The following MOSMO variants were observed in gnomAD, a reference collection of about 807,000 sequenced individuals.
MOSMO encodes modulator of smoothened, also known as modulator of smoothened protein.
MOSMO carries 5 observed loss-of-function variants against 18.4 expected under a neutral mutation model. The observed-to-expected ratio is 0.27, with a 90% CI of 0.14 to 0.57. MOSMO has a LOEUF of 0.57. Ranked by LOEUF, MOSMO falls within the 20% of genes least tolerant of loss-of-function variation. The probability of loss-of-function intolerance (pLI) is 0.92; values close to 1 mark genes in which losing one functional copy is unlikely to be tolerated. For missense variants in MOSMO, 138 were observed against 211.8 expected, an observed-to-expected ratio of 0.65 and a Z score of 2.16; for synonymous variants, 82 against 82.3, an observed-to-expected ratio of 1.00 and a Z score of 0.02.
intron 1 of MOSMO, among the ~76,000 whole-genome samples, chr16:22,046,864 C>G (rs1344669112): frequency 1.3e-5 from 2 of 152,124 alleles, no homozygotes; most frequent in African/African-American, 2.4e-5. Flanking sequence ...AAAAGTGCCA[C>G]AACTATTGAT....
chr16:22,090,541 G>T (rs1419865019), downstream of MOSMO, among the ~76,000 whole-genome samples: 1 of 152,176 alleles, frequency 6.6e-6, no homozygotes, highest in African/African-American at 2.4e-5. Flanking sequence ...TCAGGCTACT[G>T]CTTCTCAACA....
At chr16:22,027,265 G>A (rs1012615042) in intron 1 of MOSMO, among the ~76,000 whole-genome samples, 2 of 152,242 alleles carry the variant, frequency 1.3e-5, no homozygotes, top group African/African-American at 2.4e-5. Flanking sequence ...TGGAAAATGC[G>A]CCACTTGTCT....
At chr16:22,033,858 T>TA (rs1307582157) in intron 1 of MOSMO, among the ~76,000 whole-genome samples, 3 of 152,028 alleles carry the variant, frequency 2.0e-5, no homozygotes, top group Non-Finnish European at 4.4e-5. Context: ...TCACAATACT[T>TA]ACATTAGCCT....
At chr16:22,057,237 A>T (rs1900554595) in intron 1 of MOSMO, among the ~76,000 whole-genome samples, 1 of 152,220 alleles carries the variant, frequency 6.6e-6, no homozygotes, top group Non-Finnish European at 1.5e-5. Context: ...GAGGCTGGGA[A>T]GTCCAAGATC....
chr16:22,023,522 T>G (rs1430863391), intron 1 of MOSMO, among the ~76,000 whole-genome samples: 1 of 152,142 alleles, frequency 6.6e-6, no homozygotes, highest in East Asian at 1.9e-4. Context: ...TTTGCCTCTG[T>G]AAGTTGCTGG....
chr16:22,073,100 C>T (rs1397662431), intron 1 of MOSMO, among the ~76,000 whole-genome samples: 1 of 152,088 alleles, frequency 6.6e-6, no homozygotes, highest in African/African-American at 2.4e-5. Context: ...AATCTACAGG[C>T]ACAGGAGGTT....
chr16:22,072,668 C>T (rs533711591), intron 1 of MOSMO, among the ~76,000 whole-genome samples: 12 of 151,990 alleles, frequency 7.9e-5, no homozygotes, highest in Non-Finnish European at 1.8e-4. Flanking sequence ...AAAAATTAGC[C>T]GGGCGTAGTC....
intron 1 of MOSMO, among the ~76,000 whole-genome samples, chr16:22,012,912 ACTT>A (rs1436150027): frequency 3.9e-5 from 6 of 152,090 alleles, no homozygotes; most frequent in Admixed American, 2.6e-4. Flanking sequence ...CATTTCATCT[ACTT>A]CTTGTAATGG....
At chr16:22,045,308 T>C (rs1194039669) in intron 1 of MOSMO, among the ~76,000 whole-genome samples, 3 of 152,164 alleles carry the variant, frequency 2.0e-5, no homozygotes, top group Non-Finnish European at 2.9e-5. Flanking sequence ...AAAGTTTGGG[T>C]ATTTTAGAAA....
At chr16:22,071,225 A>G (rs1900843958) in intron 1 of MOSMO, among the ~76,000 whole-genome samples, 1 of 152,322 alleles carries the variant, frequency 6.6e-6, no homozygotes, top group South Asian at 2.1e-4. Context: ...GCTGACAGGG[A>G]GAGCCCCGTG....
intron 1 of MOSMO, among the ~76,000 whole-genome samples, chr16:22,067,705 C>T (rs1900773594): frequency 6.6e-6 from 1 of 151,954 alleles, no homozygotes; most frequent in South Asian, 2.1e-4. Context: ...AGTAGAGAAA[C>T]ATCTCTACTA....
intron 1 of MOSMO, among the ~76,000 whole-genome samples, chr16:22,075,082 T>C (rs904507219): frequency 1.6e-4 from 24 of 152,210 alleles, no homozygotes; most frequent in African/African-American, 5.8e-4. Flanking sequence ...TGAAGTCATA[T>C]ACAATGAGTC....
At chr16:22,078,360 T>G (rs949029365) in intron 2 of MOSMO, among the ~76,000 whole-genome samples, 1 of 152,228 alleles carries the variant, frequency 6.6e-6, no homozygotes, top group Non-Finnish European at 1.5e-5. Flanking sequence ...CCACCTGCAT[T>G]AAATCTGCTC....
chr16:22,070,876 G>T (rs1014059469), intron 1 of MOSMO, among the ~76,000 whole-genome samples: 2 of 152,122 alleles, frequency 1.3e-5, no homozygotes, highest in African/African-American at 2.4e-5. Context: ...CCAGGGAGGT[G>T]CACAGGGCTG....
intron 1 of MOSMO, among the ~76,000 whole-genome samples, chr16:22,072,929 G>C (rs556465187): frequency 6.6e-6 from 1 of 152,140 alleles, no homozygotes; most frequent in African/African-American, 2.4e-5. Flanking sequence ...ATTGTGATAA[G>C]GAATTTGATA....
rs149022527 is a variant in MOSMO, at chr16:22,022,010, T to G, written c.106+13603T>G. On this transcript the variant is annotated intron_variant, in intron 1 of 2. Coordinates refer to ENST00000542527, the MANE Select transcript of MOSMO (RefSeq NM_001164579.2). Reference sequence around the variant, plus strand: ...ACATCTACCACAGTACAGGCACACATGGTAACTGCTGTTATTGTGGTTAAG... The same window carrying G: ...ACATCTACCACAGTACAGGCACACAGGGTAACTGCTGTTATTGTGGTTAAG... Among the ~76,000 whole-genome samples, 29 of 152,260 alleles carry G rather than the reference T, an allele frequency of 1.9e-4. 1 individual carries two copies. In the East Asian group the frequency reaches 5.6e-3, roughly 29 times the overall value.
chr16:22,053,973 G>T (rs974204205), intron 1 of MOSMO, among the ~76,000 whole-genome samples: 2 of 152,184 alleles, frequency 1.3e-5, no homozygotes, highest in Non-Finnish European at 2.9e-5. Context: ...TGTGTGTATA[G>T]AGAGAAAGGA....
At chr16:22,069,822 CAGAA>C (rs1382729128) in intron 1 of MOSMO, among the ~76,000 whole-genome samples, 1 of 152,114 alleles carries the variant, frequency 6.6e-6, no homozygotes, top group Non-Finnish European at 1.5e-5. Context: ...AAGACAGAAA[CAGAA>C]AGCATGATGC....
intron 1 of MOSMO, among the ~76,000 whole-genome samples, chr16:22,061,392 A>C (rs748480817): frequency 2.0e-5 from 3 of 152,216 alleles, no homozygotes; most frequent in Non-Finnish European, 4.4e-5. Flanking sequence ...TTTTTGCTCA[A>C]AATTCCATGA....
Sources: allele counts gnomAD v4.1 joint callset (sites outside exome capture counted in the v4.1 genomes callset), GRCh38; gene constraint gnomAD v4.1.1; transcripts MANE v1.5; gene names NCBI Gene and HGNC (gene_info 2026-07-23, HGNC 2026-07-21).